Variants in CSGALNACT1 observed in about 807,000 individuals in gnomAD.
The protein encoded by CSGALNACT1 is beta4GalNAcT-1.
In CSGALNACT1, 52 loss-of-function variants were observed where a neutral mutation model predicts 51.0. The observed-to-expected ratio is 1.02, with a 90% CI of 0.82 to 1.29. The LOEUF (loss-of-function observed/expected upper bound fraction) is 1.29. CSGALNACT1 is among the 50% of genes most tolerant of loss of function. CSGALNACT1 has a pLI of 0.00. For missense variants in CSGALNACT1, 935 were observed against 679.2 expected, an observed-to-expected ratio of 1.38 and a Z score of -4.19; for synonymous variants, 341 against 254.4, an observed-to-expected ratio of 1.34 and a Z score of -3.24.
intron 1 of CSGALNACT1, among the ~76,000 whole-genome samples, chr8:19,638,574 A>G (rs1307351235): frequency 6.6e-6 from 1 of 152,262 alleles, no homozygotes; most frequent in African/African-American, 2.4e-5. Context: ...TAAGGGGCAA[A>G]GAAATATTTA....
At chr8:19,635,480 T>C (rs2055911968) in intron 1 of CSGALNACT1, among the ~76,000 whole-genome samples, 1 of 152,204 alleles carries the variant, frequency 6.6e-6, no homozygotes, top group Non-Finnish European at 1.5e-5. Flanking sequence ...ATGTGGCATC[T>C]GTTAGTGTCA....
At chr8:19,592,726 C>A (rs1373106778) in intron 2 of CSGALNACT1, among the ~76,000 whole-genome samples, 2 of 152,116 alleles carry the variant, frequency 1.3e-5, no homozygotes, top group Non-Finnish European at 2.9e-5. Context: ...TGTGCCACTG[C>A]ACCACTGCAC....
At chr8:19,681,006 C>T (rs149115384) in intron 1 of CSGALNACT1, among the ~76,000 whole-genome samples, 5 of 152,152 alleles carry the variant, frequency 3.3e-5, no homozygotes, top group East Asian at 1.9e-4. Context: ...GTATACAAGA[C>T]GATGTGTGTA....
At chr8:19,520,759 C>T (rs1490587193) in intron 3 of CSGALNACT1, among the ~76,000 whole-genome samples, 1 of 152,196 alleles carries the variant, frequency 6.6e-6, no homozygotes, top group East Asian at 1.9e-4. Context: ...CCCATGCTAT[C>T]TCCATCTTCC....
chr8:19,595,355 G>T (rs1012330623), intron 2 of CSGALNACT1, among the ~76,000 whole-genome samples: 1 of 152,172 alleles, frequency 6.6e-6, no homozygotes, highest in African/African-American at 2.4e-5. Flanking sequence ...TCCAAGAATT[G>T]GTACTTGGTA....
At chr8:19,601,745 T>C (rs978778491) in intron 2 of CSGALNACT1, 26 bp downstream of exon 2, 1 of 448,430 alleles carries the variant, frequency 2.2e-6, no homozygotes, top group Non-Finnish European at 4.4e-6. Flanking sequence ...CAAAGGTTTG[T>C]TTCTTGAGTG....
chr8:19,500,037 T>C (rs1045800792), intron 4 of CSGALNACT1, among the ~76,000 whole-genome samples: 2 of 152,238 alleles, frequency 1.3e-5, no homozygotes, highest in African/African-American at 2.4e-5. Context: ...AAAGCATTTA[T>C]CCTTCCTTAT....
upstream of CSGALNACT1, among the ~76,000 whole-genome samples, chr8:19,603,549 C>G (rs150580986): frequency 3.3e-3 from 504 of 152,352 alleles, no homozygotes; most frequent in Non-Finnish European, 5.5e-3. Flanking sequence ...GGAATAATCA[C>G]TTGGACCCGA....
Position 19,458,494 on chromosome 8 carries a change from C to T in CSGALNACT1, c.783G>A (p.Thr261=), listed in dbSNP as rs76263557. Residue 261 remains threonine (T), a synonymous_variant, in exon 5 of 10, where the codon ACG becomes ACA. Coordinates refer to ENST00000454498, the Ensembl canonical transcript of CSGALNACT1. ...CTAGAGGCACGATAACATTGATAAG[C>T]GTGTTGGCCATGTTGAGCTTTTCAT... 1,551 of 1,614,132 alleles carry T rather than the reference C, an allele frequency of 9.6e-4. 30 individuals carry two copies. The East Asian group carries it at 0.032, about 33-fold the overall frequency.
intron 5 of CSGALNACT1, among the ~76,000 whole-genome samples, chr8:19,450,304 G>T (rs1006744568): frequency 2.6e-4 from 39 of 149,488 alleles, no homozygotes; most frequent in Non-Finnish European, 4.9e-4. Flanking sequence ...AGGAGGAGGA[G>T]GAATAGGAGG....
At chr8:19,597,756 T>C (rs964427967) in intron 2 of CSGALNACT1, among the ~76,000 whole-genome samples, 2 of 152,204 alleles carry the variant, frequency 1.3e-5, no homozygotes, top group African/African-American at 4.8e-5. Flanking sequence ...GATGATAACA[T>C]TGCTAGCTTC....
At chr8:19,622,055 T>C (rs74768636) in intron 1 of CSGALNACT1, among the ~76,000 whole-genome samples, 3,443 of 152,316 alleles carry the variant, frequency 0.023, 138 homozygotes, top group African/African-American at 0.078. Context: ...GTGGCCAATT[T>C]CAAGCTACAA....
intron 1 of CSGALNACT1, among the ~76,000 whole-genome samples, chr8:19,681,479 G>A (rs1012152071): frequency 6.6e-6 from 1 of 152,146 alleles, no homozygotes; most frequent in Non-Finnish European, 1.5e-5. Flanking sequence ...AAGAACTGGG[G>A]ACCTAGGGAC....
intron 1 of CSGALNACT1, among the ~76,000 whole-genome samples, chr8:19,755,700 C>CACAA (rs2065328407): frequency 6.6e-6 from 1 of 152,156 alleles, no homozygotes; most frequent in Non-Finnish European, 1.5e-5. Context: ...ACAGCAAAGA[C>CACAA]ACAAGCTCAC....
At chr8:19,621,407 T>C (rs1297515020) in intron 1 of CSGALNACT1, among the ~76,000 whole-genome samples, 1 of 152,236 alleles carries the variant, frequency 6.6e-6, no homozygotes, top group Non-Finnish European at 1.5e-5. Flanking sequence ...TTATTGTATC[T>C]ATAGAAAACC....
intron 5 of CSGALNACT1, among the ~76,000 whole-genome samples, chr8:19,443,468 T>A (rs1490582624): frequency 6.6e-6 from 1 of 152,178 alleles, no homozygotes; most frequent in African/African-American, 2.4e-5. Context: ...AGAGGTTTAA[T>A]GGACTCACAG....
intron 1 of CSGALNACT1, among the ~76,000 whole-genome samples, chr8:19,672,027 C>T (rs2059831101): frequency 6.6e-6 from 1 of 152,110 alleles, no homozygotes; most frequent in Non-Finnish European, 1.5e-5. Context: ...TTAAAAGCAA[C>T]ATAAAGTGGT....
At position 19,475,354 on chromosome 8, in the gene CSGALNACT1, TG is replaced by T. The variant is rs1450871030; in HGVS notation, c.635-16713del. ...TCACCATTTGCCACCACGAGGGTTTTGGGGTCTGTTTGGATCTTGGTTTGGT... is the reference window on the plus strand; with the variant it reads ...TCACCATTTGCCACCACGAGGGTTTTGGGTCTGTTTGGATCTTGGTTTGGT... On this transcript the variant is annotated intron_variant, in intron 4 of 9. Coordinates refer to ENST00000454498, the Ensembl canonical transcript of CSGALNACT1. Among the ~76,000 whole-genome samples the T allele has an allele frequency of 2.6e-5, 4 of 152,236 alleles. No individual in the cohort carries two copies. In the East Asian group the frequency reaches 7.7e-4, roughly 29 times the overall value.
At chr8:19,701,733 G>GT (rs2061891217) in intron 1 of CSGALNACT1, among the ~76,000 whole-genome samples, 2 of 152,132 alleles carry the variant, frequency 1.3e-5, no homozygotes, top group Admixed American at 1.3e-4. Flanking sequence ...TACATGTCAC[G>GT]TACTGAAGCC....
Sources: allele counts gnomAD v4.1 joint callset (sites outside exome capture counted in the v4.1 genomes callset), GRCh38; gene constraint gnomAD v4.1.1; transcripts MANE v1.5; gene names NCBI Gene and HGNC (gene_info 2026-07-23, HGNC 2026-07-21).